Variants in AMOTL1 observed in about 807,000 individuals in gnomAD.
The protein encoded by AMOTL1 is angiomotin like 1.
In AMOTL1, 45 loss-of-function variants were observed where a neutral mutation model predicts 102.9. The ratio of observed to expected loss-of-function variants is 0.44; its 90% CI spans 0.34 to 0.56. The LOEUF (loss-of-function observed/expected upper bound fraction) is 0.56. AMOTL1 is among the 20% of genes least tolerant of loss of function. AMOTL1 has a pLI of 0.01. For synonymous variants in AMOTL1, 481 were observed against 484.7 expected (o/e 0.99, Z 0.10); for missense variants, 1,114 against 1,225.6 (o/e 0.91, Z 1.36).
At chr11:94,836,510 A>T (rs1440032504) in intron 6 of AMOTL1, among the ~76,000 whole-genome samples, 7 of 152,238 alleles carry the variant, frequency 4.6e-5, no homozygotes, top group Non-Finnish European at 7.3e-5. Flanking sequence ...TGTACCTGGC[A>T]TTCAATAAAT....
chr11:94,832,058 CA>C (rs1221524141), intron 6 of AMOTL1, among the ~76,000 whole-genome samples: 1 of 152,126 alleles, frequency 6.6e-6, no homozygotes, highest in Non-Finnish European at 1.5e-5. Flanking sequence ...GAATAATGAA[CA>C]GTGGCTTTGT....
At chr11:94,823,888 T>A (rs1182932523) in intron 4 of AMOTL1, among the ~76,000 whole-genome samples, 2 of 151,736 alleles carry the variant, frequency 1.3e-5, no homozygotes, top group Non-Finnish European at 2.9e-5. Context: ...GCTAATTTTT[T>A]TTTTTGTATT....
intron 3 of AMOTL1, among the ~76,000 whole-genome samples, chr11:94,747,937 C>T (rs965670899): frequency 6.6e-6 from 1 of 152,228 alleles, no homozygotes; most frequent in African/African-American, 2.4e-5. Context: ...CTTACAGCCT[C>T]ACCCAGATGG....
chr11:94,865,801 A>G (rs1366203026), intron 10 of AMOTL1, 141 bp from the exon 11 acceptor site: 8 of 709,382 alleles, frequency 1.1e-5, no homozygotes, highest in Non-Finnish European at 1.9e-5. Context: ...TTTGGAGATT[A>G]TCAACATTTG....
In AMOTL1 at chr11:94,869,427, C is replaced by A; in HGVS notation, c.2718C>A (p.Ser906Arg). 1 of 1,604,244 alleles carries A rather than the reference C, an allele frequency of 6.2e-7. No individual in the cohort carries two copies. The highest frequency in any genetic ancestry group is 2.3e-5 in the East Asian group (1 of 44,334). Residue 906 changes from serine to arginine, a missense_variant, in exon 12 of 13, where the codon AGC becomes AGA. Physicochemically the swap from Ser to Arg is moderately radical, Grantham distance 110 (BLOSUM62 -1). Transcript: ENST00000433060. The part of the protein sequence containing the change: ...RGRLSTTPAH[S>R]PVLKHPAAKG... ...GGCTGAGCACGACCCCTGCTCACAG[C>A]CCCGTCCTGAAACACCCAGCGGCCA...
At chr11:94,853,305 C>A (rs1037963322) in intron 7 of AMOTL1, among the ~76,000 whole-genome samples, 1 of 152,136 alleles carries the variant, frequency 6.6e-6, no homozygotes, top group East Asian at 1.9e-4. Context: ...CCCCTCACCC[C>A]CGGCCCCCAA....
intron 1 of AMOTL1, among the ~76,000 whole-genome samples, chr11:94,778,030 G>A (rs560522059): frequency 1.3e-5 from 2 of 152,306 alleles, no homozygotes; most frequent in African/African-American, 4.8e-5. Context: ...GTATTAAGAT[G>A]TTAGAAAACA....
chr11:94,870,539 G>C (rs1281952060), intron 12 of AMOTL1, 150 bp from the exon 13 acceptor site: 2 of 563,658 alleles, frequency 3.5e-6, no homozygotes, highest in African/African-American at 3.7e-5. Flanking sequence ...CATTCTGCAT[G>C]TTCCCACTGT....
At chr11:94,817,691 G>C (rs1330251103) in intron 3 of AMOTL1, among the ~76,000 whole-genome samples, 1 of 152,004 alleles carries the variant, frequency 6.6e-6, no homozygotes. Flanking sequence ...TTTTCAAAAG[G>C]TGTTTTTTAT....
Position 94,799,241 on chromosome 11 carries a change from C to A in AMOTL1, c.200-149C>A. Reference sequence around the variant, plus strand: ...AATTGGAGAAGAAAATTCCATGAGACATTGCCAGGTAAATGGAGGTGATGA... The same window carrying A: ...AATTGGAGAAGAAAATTCCATGAGAAATTGCCAGGTAAATGGAGGTGATGA... On this transcript the variant is annotated intron_variant, in intron 2 of 12. Coordinates refer to ENST00000433060, the MANE Select transcript of AMOTL1 (RefSeq NM_130847.3). The surrounding 1 kb of genome is among the most constrained non-coding windows in gnomAD (Gnocchi z 4.5). The A allele has an allele frequency of 1.4e-6, 1 of 693,052 alleles. No homozygotes were observed. Among genetic ancestry groups the A allele is most frequent in the Non-Finnish European group, 2.4e-6 (1 of 423,748 alleles). The allele number at this position is 693,052 out of a possible 1,614,324, so 42.9% of individuals were successfully genotyped here. A position where few individuals can be genotyped will look rare whatever the true frequency, so the allele number is the denominator to read the frequency against.
intron 10 of AMOTL1, among the ~76,000 whole-genome samples, chr11:94,865,354 A>G (rs931577419): frequency 4.6e-5 from 7 of 152,130 alleles, no homozygotes; most frequent in Non-Finnish European, 1.0e-4. Context: ...TTCACTACCT[A>G]AGGGCTTGTG....
At chr11:94,869,035 G>T (rs1215651008) in intron 11 of AMOTL1, among the ~76,000 whole-genome samples, 163 bp from the exon 12 acceptor site, 1 of 150,618 alleles carries the variant, frequency 6.6e-6, no homozygotes, top group African/African-American at 2.4e-5. Flanking sequence ...CTCAGTGTTT[G>T]TTATTTTATC....
At chr11:94,796,718 T>C (rs1034767564) in intron 2 of AMOTL1, among the ~76,000 whole-genome samples, 1 of 152,170 alleles carries the variant, frequency 6.6e-6, no homozygotes, top group African/African-American at 2.4e-5. Flanking sequence ...ATCACGGAGT[T>C]ACAGTATTTT....
At position 94,810,496 on chromosome 11, in the gene AMOTL1, CAAAAAA is replaced by C. The variant is rs5793699; in HGVS notation, c.1121+10196_1121+10201del. On this transcript the variant is annotated intron_variant, in intron 3 of 12. Coordinates refer to ENST00000433060, the MANE Select transcript of AMOTL1 (RefSeq NM_130847.3). ...CTCTGCTACAATAACTATTTTAGTCCAAAAAAAAAAAAAAAAGAAAAGAAATGAGGT... is the reference window on the plus strand; with the variant it reads ...CTCTGCTACAATAACTATTTTAGTCCAAAAAAAAAAGAAAAGAAATGAGGT... 1.3e-3 allele frequency among the ~76,000 whole-genome samples: 167 copies of C among 133,512 alleles called. 2 individuals carry two copies. Among genetic ancestry groups the C allele is most frequent in the African/African-American group, 4.4e-3 (159 of 35,988 alleles). The allele number at this position is 133,512 out of a possible 152,430, so 87.6% of individuals were successfully genotyped here. A position where few individuals can be genotyped will look rare whatever the true frequency, so the allele number is the denominator to read the frequency against.
intron 3 of AMOTL1, chr11:94,741,017 C>A (rs1426848560): frequency 7.8e-7 from 1 of 1,287,924 alleles, no homozygotes; most frequent in Non-Finnish European, 1.0e-6. Flanking sequence ...TCTTTTATTT[C>A]TTGGTCGCAA....
At chr11:94,721,625 A>G (rs1565326803) in intron 1 of AMOTL1, among the ~76,000 whole-genome samples, 1 of 152,124 alleles carries the variant, frequency 6.6e-6, no homozygotes, top group Non-Finnish European at 1.5e-5. Flanking sequence ...GTCATCAGCA[A>G]CCTAGGAAGA....
At chr11:94,825,856 A>G (rs895663977) in intron 4 of AMOTL1, among the ~76,000 whole-genome samples, 1 of 152,242 alleles carries the variant, frequency 6.6e-6, no homozygotes, top group Non-Finnish European at 1.5e-5. Flanking sequence ...CCCATTCCTT[A>G]GTAATCCTTG....
In AMOTL1 at chr11:94,831,547, T is replaced by C; in HGVS notation, c.1648+6T>C. ...GGGGCATTATGCTTCCCAGAGTGAG[T>C]CTCCACTTATTTATTATCCCAAAGT... On this transcript the variant is annotated splice_donor_region_variant and intron_variant, in intron 6 of 12. Coordinates refer to ENST00000433060, the MANE Select transcript of AMOTL1 (RefSeq NM_130847.3). 1 of 1,608,396 alleles carries C rather than the reference T, an allele frequency of 6.2e-7. No homozygotes were observed. Among genetic ancestry groups the C allele is most frequent in the Non-Finnish European group, 8.5e-7 (1 of 1,177,466 alleles).
intron 1 of AMOTL1, among the ~76,000 whole-genome samples, chr11:94,771,330 A>G (rs1950948835): frequency 6.7e-6 from 1 of 150,282 alleles, no homozygotes; most frequent in African/African-American, 2.4e-5. Flanking sequence ...AAAATTCTGC[A>G]GTGTTTTGAA....
Sources: gnomAD v4.1 joint callset for allele counts (sites outside exome capture counted in the v4.1 genomes callset) on GRCh38, gnomAD v4.1.1 for gene constraint, Gnocchi (gnomAD v3.1) non-coding constraint, MANE v1.5 for transcripts, NCBI Gene and HGNC (gene_info 2026-07-23, HGNC 2026-07-21) for gene names.